The following MGAT4C variants were observed in gnomAD, a reference collection of about 807,000 sequenced individuals.
The protein encoded by MGAT4C is MGAT4 family member C.
MGAT4C carries 19 observed loss-of-function variants against 40.1 expected under a neutral mutation model. The ratio of observed to expected loss-of-function variants is 0.47; its 90% CI spans 0.33 to 0.70. MGAT4C has a LOEUF of 0.70. Ranked by LOEUF, MGAT4C falls within the 30% of genes least tolerant of loss-of-function variation. The pLI is 0.02. For synonymous variants in MGAT4C, 181 were observed against 187.1 expected (o/e 0.97, Z 0.27); for missense variants, 491 against 563.2 (o/e 0.87, Z 1.30).
intron 2 of MGAT4C, among the ~76,000 whole-genome samples, chr12:86,029,657 A>G (rs1890560870): frequency 6.6e-6 from 1 of 151,924 alleles, no homozygotes; most frequent in African/African-American, 2.4e-5. Flanking sequence ...CATTTTCTTC[A>G]ACAAGGAGGG....
chr12:86,648,245 G>C (rs990288133), intron 2 of MGAT4C, among the ~76,000 whole-genome samples: 1 of 151,886 alleles, frequency 6.6e-6, no homozygotes, highest in Non-Finnish European at 1.5e-5. Context: ...ATCCAACACT[G>C]TTGTTGAGTA....
chr12:86,348,992 A>G (rs1160914674), intron 3 of MGAT4C, among the ~76,000 whole-genome samples: 1 of 152,162 alleles, frequency 6.6e-6, no homozygotes, highest in Non-Finnish European at 1.5e-5. Flanking sequence ...AACCACACCT[A>G]CTGACTAAAA....
chr12:86,209,062 G>C (rs1341640743), intron 1 of MGAT4C, among the ~76,000 whole-genome samples: 9 of 151,930 alleles, frequency 5.9e-5, no homozygotes, highest in Non-Finnish European at 1.3e-4. Flanking sequence ...GTATGCATAA[G>C]AACCCTGCAT....
At chr12:86,722,375 T>C (rs934458410) in intron 2 of MGAT4C, among the ~76,000 whole-genome samples, 2 of 152,236 alleles carry the variant, frequency 1.3e-5, no homozygotes, top group East Asian at 3.9e-4. Flanking sequence ...ATCCTGTAGA[T>C]GCCAACAAAA....
At chr12:86,253,455 T>C (rs1952387285) in intron 1 of MGAT4C, among the ~76,000 whole-genome samples, 1 of 151,962 alleles carries the variant, frequency 6.6e-6, no homozygotes, top group Admixed American at 6.6e-5. Flanking sequence ...GACTGGGTGA[T>C]CTTTGGCAAC....
intron 4 of MGAT4C, among the ~76,000 whole-genome samples, chr12:85,981,803 C>G (rs1289582449): frequency 6.6e-6 from 1 of 152,182 alleles, no homozygotes; most frequent in Admixed American, 6.5e-5. Flanking sequence ...CAAACTGTCT[C>G]ACTCTTTTAT....
At chr12:86,673,617 A>G (rs1384738705) in intron 2 of MGAT4C, among the ~76,000 whole-genome samples, 3 of 152,218 alleles carry the variant, frequency 2.0e-5, no homozygotes, top group Non-Finnish European at 2.9e-5. Context: ...TTAGGTGATT[A>G]ATATAAACTT....
chr12:86,247,108 T>G (rs1033926836), intron 1 of MGAT4C, among the ~76,000 whole-genome samples: 1 of 152,196 alleles, frequency 6.6e-6, no homozygotes, highest in Non-Finnish European at 1.5e-5. Context: ...GGATACAATA[T>G]TTTTTATTAT....
chr12:86,010,539 G>A (rs746639268), intron 2 of MGAT4C, among the ~76,000 whole-genome samples: 8 of 152,104 alleles, frequency 5.3e-5, no homozygotes, highest in African/African-American at 1.2e-4. Context: ...TTAGCCATGC[G>A]TGGTGGTGCA....
At chr12:86,205,217 G>A (rs1950205314) in intron 1 of MGAT4C, among the ~76,000 whole-genome samples, 1 of 151,794 alleles carries the variant, frequency 6.6e-6, no homozygotes, top group African/African-American at 2.4e-5. Context: ...ATGAAATCTT[G>A]AGATAGTAGA....
At chr12:86,657,622 A>C (rs1476481572) in intron 2 of MGAT4C, among the ~76,000 whole-genome samples, 1 of 151,920 alleles carries the variant, frequency 6.6e-6, no homozygotes, top group Non-Finnish European at 1.5e-5. Context: ...TCAACACAGA[A>C]AAAAGTTAAA....
chr12:86,415,718 A>ATT (rs1956697100), intron 3 of MGAT4C, among the ~76,000 whole-genome samples: 1 of 152,086 alleles, frequency 6.6e-6, no homozygotes. Flanking sequence ...TATCAAGGAG[A>ATT]ATTCAGAGAG....
chr12:86,813,919 G>T (rs1296800279), intron 1 of MGAT4C, among the ~76,000 whole-genome samples: 1 of 150,370 alleles, frequency 6.7e-6, no homozygotes, highest in South Asian at 2.1e-4. Flanking sequence ...CTTTTTTTTG[G>T]GGGGGATGGG....
intron 2 of MGAT4C, among the ~76,000 whole-genome samples, chr12:86,501,855 AC>A (rs923645833): frequency 1.8e-4 from 28 of 152,096 alleles, no homozygotes; most frequent in African/African-American, 6.8e-4. Flanking sequence ...ATGGGTATAC[AC>A]CCAGTAATTG....
chr12:86,464,801 C>T (rs61949532), intron 2 of MGAT4C, among the ~76,000 whole-genome samples: 14,997 of 152,016 alleles, frequency 0.099, 1,002 homozygotes, highest in Middle Eastern at 0.25. Context: ...AGATAAATTA[C>T]ATTATGTATT....
At chr12:86,110,579 A>G (rs1276148043) in intron 1 of MGAT4C, among the ~76,000 whole-genome samples, 1 of 151,166 alleles carries the variant, frequency 6.6e-6, no homozygotes, top group Non-Finnish European at 1.5e-5. Flanking sequence ...ACATTATGAG[A>G]AATTCTAACA....
chr12:85,994,869 G>A (rs1468627251), intron 2 of MGAT4C, among the ~76,000 whole-genome samples: 1 of 152,014 alleles, frequency 6.6e-6, no homozygotes, highest in Non-Finnish European at 1.5e-5. Context: ...TGGGAAAACT[G>A]AAGATTAAAA....
Position 86,804,087 on chromosome 12 carries a change from T to G in MGAT4C, c.-262+34579A>C, listed in dbSNP as rs1226805744. On this transcript the variant is annotated intron_variant, in intron 1 of 7. Transcript: ENST00000548651. Reference sequence around the variant, plus strand: ...TACACCATGGAATACTATGCAGCCATAAAAAATGATGAGTTCACGTCCTTT... The same window carrying G: ...TACACCATGGAATACTATGCAGCCAGAAAAAATGATGAGTTCACGTCCTTT... Among the ~76,000 whole-genome samples the G allele has an allele frequency of 1.3e-5, 2 of 149,752 alleles. 1 individual carries two copies. Among genetic ancestry groups the G allele is most frequent in the Middle Eastern group, 6.8e-3 (2 of 292 alleles).
At chr12:86,263,155 T>C (rs2136098169) in intron 4 of MGAT4C, among the ~76,000 whole-genome samples, 1 of 152,214 alleles carries the variant, frequency 6.6e-6, no homozygotes, top group East Asian at 1.9e-4. Flanking sequence ...TGGGTCTAGA[T>C]TGGAAGAGCC....
Sources: gnomAD v4.1 joint callset for allele counts (sites outside exome capture counted in the v4.1 genomes callset) on GRCh38, gnomAD v4.1.1 for gene constraint, MANE v1.5 for transcripts, NCBI Gene and HGNC (gene_info 2026-07-23, HGNC 2026-07-21) for gene names.